Variants in KISS1 observed in about 807,000 individuals in gnomAD.
KISS1 encodes KiSS-1 metastasis suppressor.
For synonymous variants in KISS1, 97 were observed against 88.7 expected (o/e 1.09, Z -0.52); for missense variants, 182 against 182.7 (o/e 1.00, Z 0.02).
At chr1:204,191,296 G>A (rs1350187053) in intron 2 of KISS1, among the ~76,000 whole-genome samples, 1 of 152,158 alleles carries the variant, frequency 6.6e-6, no homozygotes, top group African/African-American at 2.4e-5. Flanking sequence ...CTAAGACATT[G>A]TGGCCCCACA....
rs781264444 is a variant in KISS1, at chr1:204,192,476, G to A, written c.103+298C>T. 4.0e-5 allele frequency among the ~76,000 whole-genome samples: 6 copies of A among 151,306 alleles called. No individual in the cohort carries two copies. The highest frequency in any genetic ancestry group is 4.9e-5 in the African/African-American group (2 of 41,056). ...GCATATGAAGTTTCTTCTCAACATC[G>A]GCACAGAGAGGTTGCTGACGTAGAG... On this transcript the variant is annotated intron_variant, in intron 2 of 2. Coordinates refer to ENST00000367194, the MANE Select transcript of KISS1 (RefSeq NM_002256.4). This position sits in a 1 kb window ranked among gnomAD's most constrained non-coding sequence, Gnocchi z 4.2.
chr1:204,191,584 A>G (rs1314397197), intron 2 of KISS1, among the ~76,000 whole-genome samples: 3 of 152,230 alleles, frequency 2.0e-5, no homozygotes, highest in Non-Finnish European at 4.4e-5. Flanking sequence ...ACCCCAGCCC[A>G]TTGCGGCAAG....
At chr1:204,195,468 TACAC>T (rs1009543122) in intron 1 of KISS1, among the ~76,000 whole-genome samples, 8 of 103,844 alleles carry the variant, frequency 7.7e-5, no homozygotes, top group African/African-American at 2.3e-4. Context: ...CACACACACA[TACAC>T]ACATCCATAC....
rs1321952726 is a variant in KISS1 at position 204,192,817 on chromosome 1, C to T, written c.60G>A (p.Glu20=). Residue 20 remains glutamate (E), a synonymous_variant, in exon 2 of 3, where the codon GAG becomes GAA. Coordinates refer to ENST00000367194, the MANE Select transcript of KISS1 (RefSeq NM_002256.4). The surrounding 1 kb of genome is among the most constrained non-coding windows in gnomAD (Gnocchi z 4.2). ...CCACAGAGGCCACCTTTTCTAATGG[C>T]TCCCCAAAGTGGGTGGCACAGAGGA... is the stretch of plus-strand genomic sequence containing the variant. ...LLFLCATHFG[E]PLEKVASVGN... is the part of the protein sequence containing the mutation. The T allele has an allele frequency of 1.2e-6, 2 of 1,600,090 alleles. No individual in the cohort carries two copies. The highest frequency in any genetic ancestry group is 1.7e-6 in the Non-Finnish European group (2 of 1,171,762).
chr1:204,195,396 ACAC>A (rs1658836219), intron 1 of KISS1, among the ~76,000 whole-genome samples: 1 of 149,020 alleles, frequency 6.7e-6, no homozygotes, highest in Non-Finnish European at 1.5e-5. Flanking sequence ...TCATGCACAC[ACAC>A]CACACACGCA....
Position 204,190,787 on chromosome 1 carries a change from T to G in KISS1, c.114A>C (p.Leu38=). The G allele has an allele frequency of 1.9e-6, 3 of 1,611,314 alleles. No homozygotes were observed. The highest frequency in any genetic ancestry group is 2.5e-6 in the Non-Finnish European group (3 of 1,179,452). The change falls in exon 3 of 3, where the codon CTA becomes CTC. Residue 38 remains leucine, a synonymous_variant. Coordinates refer to ENST00000367194, the MANE Select transcript of KISS1 (RefSeq NM_002256.4). ...CGGGGGCCAGGAGGCCCAGGGATTC[T>G]AGCTGCTGGCCTAGGACAGAGGGCA... ...VGNSRPTGQQ[L]ESLGLLAPGE...
In KISS1 at chr1:204,190,519, G is replaced by T; in HGVS notation, c.382C>A (p.Pro128Thr). 6.2e-7 allele frequency: 1 copy of T among 1,608,632 alleles called. No individual in the cohort carries two copies. Among genetic ancestry groups the T allele is most frequent in the South Asian group, 1.1e-5 (1 of 90,162 alleles). Residue 128 changes from proline (P) to threonine (T), a missense_variant, in exon 3 of 3, where the codon CCA becomes ACA. Pro to Thr is a conservative substitution (Grantham distance 38). Coordinates refer to ENST00000367194, the MANE Select transcript of KISS1 (RefSeq NM_002256.4). The part of the protein sequence containing the change: ...GLRFGKREAA[P>T]GNHGRSAGRG ...CCAGCGCTTCTGCCGTGGTTCCCTG[G>T]TGCCGCCTCCCGCTTGCCGAAGCGC...
In KISS1 at chr1:204,190,381, C is replaced by T. The variant is rs1410491876; in HGVS notation, c.*103G>A. ...TTCTTTTATTGCCTCGGGTTGGAAGCTCCAGCGCCCCCTCCCTTAGCCCTA... is the reference window on the plus strand; with the variant it reads ...TTCTTTTATTGCCTCGGGTTGGAAGTTCCAGCGCCCCCTCCCTTAGCCCTA... On this transcript the variant is annotated 3_prime_UTR_variant, in exon 3 of 3. Coordinates refer to ENST00000367194, the MANE Select transcript of KISS1 (RefSeq NM_002256.4). The T allele has an allele frequency of 8.5e-7, 1 of 1,173,216 alleles. No individual in the cohort carries two copies. The highest frequency in any genetic ancestry group is 1.2e-6 in the Non-Finnish European group (1 of 819,050). The allele number at this position is 1,173,216 out of a possible 1,614,324, so 72.7% of individuals were successfully genotyped here.
chr1:204,192,891 G>A lies in KISS1; in HGVS notation c.-15C>T, dbSNP rs1395145893. 3 of 1,543,922 alleles carry A rather than the reference G, an allele frequency of 1.9e-6. No homozygotes were observed. Among genetic ancestry groups the A allele is most frequent in the Middle Eastern group, 3.4e-4 (2 of 5,824 alleles). On this transcript the variant is annotated 5_prime_UTR_variant, in exon 2 of 3. Transcript: ENST00000367194. The surrounding 1 kb of genome is among the most constrained non-coding windows in gnomAD (Gnocchi z 4.2). ...AGTGAGTTCATCTTGGTGAGAAGAG[G>A]CAGGTCCTAGAAGTGCCTTGAGGCT...
chr1:204,190,414 G>GCCCCCCCCC lies in KISS1; in HGVS notation c.*69_*70insGGGGGGGGG. The GCCCCCCCCC allele has an allele frequency of 3.7e-6, 2 of 534,556 alleles. No homozygotes were observed. The highest frequency in any genetic ancestry group is 6.4e-6 in the Non-Finnish European group (2 of 314,838). 33.1% of individuals were successfully genotyped at this position (534,556 alleles called of 1,614,324 possible). On this transcript the variant is annotated 3_prime_UTR_variant, in exon 3 of 3. Transcript: ENST00000367194. The stretch of plus-strand genomic sequence containing the variant: ...CCCCCTCCCTTAGCCCTACGTCCCC[G>GCCCCCCCCC]CCCCCCGCCCCCGCCCCGCATGCTC...
intron 2 of KISS1, 40 bp from the exon 3 acceptor site, chr1:204,190,837 G>T: frequency 6.5e-7 from 1 of 1,549,992 alleles, no homozygotes; most frequent in Non-Finnish European, 8.8e-7. Context: ...CGGGGTCCGG[G>T]AAAGATGGCT....
intron 2 of KISS1, among the ~76,000 whole-genome samples, chr1:204,191,636 T>A (rs1415257663): frequency 6.6e-6 from 1 of 152,210 alleles, no homozygotes; most frequent in Non-Finnish European, 1.5e-5. Context: ...TGGGTGTGAA[T>A]AGATGTGCTG....
intron 1 of KISS1, among the ~76,000 whole-genome samples, chr1:204,193,205 G>A (rs938186218): frequency 2.0e-5 from 3 of 152,228 alleles, no homozygotes; most frequent in Non-Finnish European, 4.4e-5. Flanking sequence ...CCAATTTGGT[G>A]GAAGGGGCAG....
chr1:204,192,792 CCA>C lies in KISS1; in HGVS notation c.83_84del (p.Val28GlyfsTer4). On this transcript the variant is annotated frameshift_variant, in exon 2 of 3. Coordinates refer to ENST00000367194, the MANE Select transcript of KISS1 (RefSeq NM_002256.4). LOFTEE classifies it low-confidence loss of function (END_TRUNC). This position sits in a 1 kb window ranked among gnomAD's most constrained non-coding sequence, Gnocchi z 4.2. ...FGEPLEKVAS[V>X]GNSRPTGQQL... Reference sequence around the variant, plus strand: ...TACATACCTGTGGGTCTAGAATTCCCCACAGAGGCCACCTTTTCTAATGGCTC... The same window carrying C: ...TACATACCTGTGGGTCTAGAATTCCCCAGAGGCCACCTTTTCTAATGGCTC... The C allele has an allele frequency of 1.3e-6, 2 of 1,596,718 alleles. No individual in the cohort carries two copies. The highest frequency in any genetic ancestry group is 1.7e-6 in the Non-Finnish European group (2 of 1,169,504).
Position 204,192,742 on chromosome 1 carries a change from C to G in KISS1, c.103+32G>C. 7.2e-7 allele frequency: 1 copy of G among 1,381,130 alleles called. No individual in the cohort carries two copies. The highest frequency in any genetic ancestry group is 1.2e-5 in the South Asian group (1 of 81,962). The allele number at this position is 1,381,130 out of a possible 1,614,324, so 85.6% of individuals were successfully genotyped here. On this transcript the variant is annotated intron_variant, in intron 2 of 2. Coordinates refer to ENST00000367194, the MANE Select transcript of KISS1 (RefSeq NM_002256.4). The surrounding 1 kb of genome is among the most constrained non-coding windows in gnomAD (Gnocchi z 4.2). ...CTCATTTTGCAACAACCCACTTGCT[C>G]CCTCCCACTCCTTTCCCCAGAGGAT...
intron 2 of KISS1, among the ~76,000 whole-genome samples, chr1:204,191,365 C>T (rs758228773): frequency 4.0e-5 from 6 of 151,548 alleles, no homozygotes; most frequent in Non-Finnish European, 8.8e-5. Context: ...CCCCCAACCC[C>T]GCCCAATAAG....
rs1255244120 is a variant in KISS1 at position 204,190,743 on chromosome 1, C to G, written c.158G>C (p.Cys53Ser). Residue 53 changes from cysteine (C) to serine (S), a missense_variant, in exon 3 of 3, where the codon TGC (cysteine) becomes TCC (serine). Transcript: ENST00000367194. ...AGTAGCAGCTGGCTTCCTCTCGGTG[C>G]ACGGCAGGCTCTGCTCCCCGGGGGC... ...LLAPGEQSLP[C>S]TERKPAATAR... The G allele has an allele frequency of 6.2e-7, 1 of 1,610,844 alleles. No individual in the cohort carries two copies. Among genetic ancestry groups the G allele is most frequent in the East Asian group, 2.2e-5 (1 of 44,812 alleles).
In KISS1 at chr1:204,190,409, T is replaced by TACCCCCCCCCC; in HGVS notation, c.*74_*75insGGGGGGGGGGT. 1.8e-6 allele frequency: 1 copy of TACCCCCCCCCC among 570,138 alleles called. No homozygotes were observed. Among genetic ancestry groups the TACCCCCCCCCC allele is most frequent in the Non-Finnish European group, 3.1e-6 (1 of 320,586 alleles). The allele number at this position is 570,138 out of a possible 1,614,324, so 35.3% of individuals were successfully genotyped here. A position where few individuals can be genotyped will look rare whatever the true frequency, so the allele number is the denominator to read the frequency against. ...CAGCGCCCCCTCCCTTAGCCCTACG[T>TACCCCCCCCCC]CCCCGCCCCCCGCCCCCGCCCCGCA... On this transcript the variant is annotated 3_prime_UTR_variant, in exon 3 of 3. Coordinates refer to ENST00000367194, the MANE Select transcript of KISS1 (RefSeq NM_002256.4).
intron 2 of KISS1, 34 bp from the exon 3 acceptor site, chr1:204,190,831 GTCCGGGAAAGATGGCTTTGCAA>G: frequency 6.4e-7 from 1 of 1,569,250 alleles, no homozygotes; most frequent in Non-Finnish European, 8.7e-7. Flanking sequence ...TGAGGCCGGG[GTCCGGGAAAGATGGCTTTGCAA>G]CACCTCCTGT....
Sources: gnomAD v4.1 joint callset for allele counts (sites outside exome capture counted in the v4.1 genomes callset) on GRCh38, gnomAD v4.1.1 for gene constraint, Gnocchi (gnomAD v3.1) non-coding constraint, MANE v1.5 for transcripts, NCBI Gene and HGNC (gene_info 2026-07-23, HGNC 2026-07-21) for gene names.